SHTN1: variants seen among roughly 807,000 people sequenced by gnomAD.
The protein encoded by SHTN1 is shootin 1.
SHTN1 carries 42 observed loss-of-function variants against 83.1 expected under a neutral mutation model. The observed-to-expected ratio is 0.51, with a 90% CI of 0.39 to 0.65. The LOEUF is 0.65. SHTN1 is among the 30% of genes least tolerant of loss of function. The pLI is 0.00. For synonymous variants in SHTN1, 224 were observed against 247.7 expected (o/e 0.90, Z 0.90); for missense variants, 622 against 737.8 (o/e 0.84, Z 1.82).
chr10:116,885,857 T>C lies in SHTN1; in HGVS notation c.*487A>G, dbSNP rs916857471. The C allele has an allele frequency of 1.3e-5, 2 of 156,594 alleles. No individual in the cohort carries two copies. The highest frequency in any genetic ancestry group is 2.8e-5 in the Non-Finnish European group (2 of 70,862). 9.7% of individuals were successfully genotyped at this position (156,594 alleles called of 1,614,324 possible). On this transcript the variant is annotated 3_prime_UTR_variant, in exon 17 of 17. Transcript: ENST00000355371. Reference sequence around the variant, plus strand: ...AGTCTACTGTAGAAAATAACTTGTATGCCACAGTACCCAACAATTTCCATG... The same window carrying C: ...AGTCTACTGTAGAAAATAACTTGTACGCCACAGTACCCAACAATTTCCATG...
chr10:116,927,736 C>A, intron 11 of SHTN1, 56 bp downstream of exon 11: 1 of 1,443,832 alleles, frequency 6.9e-7, no homozygotes, highest in Admixed American at 2.6e-5. Flanking sequence ...CCTCTTATGG[C>A]ACAATCTGAT....
At chr10:117,100,759 T>C (rs549684746) in intron 1 of SHTN1, among the ~76,000 whole-genome samples, 1 of 152,338 alleles carries the variant, frequency 6.6e-6, no homozygotes, top group East Asian at 1.9e-4. Flanking sequence ...GAAGAAATGA[T>C]ACCTGAGCTG....
At chr10:117,014,917 A>G (rs1852160576) in intron 2 of SHTN1, among the ~76,000 whole-genome samples, 1 of 152,248 alleles carries the variant, frequency 6.6e-6, no homozygotes, top group Non-Finnish European at 1.5e-5. Flanking sequence ...TAGGCATCAT[A>G]AAGGCTACAG....
intron 1 of SHTN1, among the ~76,000 whole-genome samples, chr10:117,079,244 A>T (rs1434838246): frequency 1.6e-5 from 2 of 127,050 alleles, no homozygotes; most frequent in Non-Finnish European, 3.2e-5. Context: ...TGTCCATGTG[A>T]TCTCATTGTT....
intron 1 of SHTN1, among the ~76,000 whole-genome samples, chr10:117,077,322 T>C (rs893246559): frequency 1.3e-5 from 2 of 152,222 alleles, no homozygotes; most frequent in African/African-American, 4.8e-5. Flanking sequence ...ATGTGACTTC[T>C]GACCTTGATA....
Position 116,944,970 on chromosome 10 carries a change from T to C in SHTN1, c.665A>G (p.Glu222Gly). The C allele has an allele frequency of 6.2e-7, 1 of 1,612,488 alleles. No homozygotes were observed. Among genetic ancestry groups the C allele is most frequent in the Non-Finnish European group, 8.5e-7 (1 of 1,178,710 alleles). Residue 222 changes from glutamate to glycine, a missense_variant, in exon 8 of 17, where the codon GAG (glutamate) becomes GGG (glycine). Physicochemically the swap from Glu to Gly is moderately conservative, Grantham distance 98 (BLOSUM62 -2). This residue lies in a region of SHTN1 where 383 missense variants were observed against 455.8 expected (regional missense o/e 0.84). Coordinates refer to ENST00000355371, the MANE Select transcript of SHTN1 (RefSeq NM_001127211.3). ...EEYEEMQVNL[E>G]LEKDLRKKAE... ...TTTCTTTCGAAGGTCCTTCTCCAGC[T>C]CCAGGTTTACTTGCATCTCCTCATA...
intron 15 of SHTN1, among the ~76,000 whole-genome samples, chr10:116,904,836 G>A (rs879336711): frequency 2.6e-5 from 4 of 152,086 alleles, no homozygotes; most frequent in Non-Finnish European, 5.9e-5. Flanking sequence ...CTGGAGAAAC[G>A]AAAAAGCCAG....
intron 1 of SHTN1, among the ~76,000 whole-genome samples, chr10:117,110,600 A>G (rs1300925397): frequency 6.6e-6 from 1 of 151,804 alleles, no homozygotes; most frequent in Non-Finnish European, 1.5e-5. Flanking sequence ...AGCTCAGGCA[A>G]TCCACCCACC....
chr10:117,100,910 G>C (rs914938818), intron 1 of SHTN1, among the ~76,000 whole-genome samples: 2 of 152,138 alleles, frequency 1.3e-5, no homozygotes, highest in African/African-American at 4.8e-5. Flanking sequence ...GACTAACATA[G>C]ATGAAGGTAA....
chr10:117,113,797 G>C (rs746174681), intron 1 of SHTN1, among the ~76,000 whole-genome samples: 2 of 152,180 alleles, frequency 1.3e-5, no homozygotes, highest in African/African-American at 2.4e-5. Flanking sequence ...TGTAATCCCA[G>C]CACTCTGGGA....
chr10:117,061,798 T>C (rs1352774911), intron 1 of SHTN1, among the ~76,000 whole-genome samples: 1 of 152,136 alleles, frequency 6.6e-6, no homozygotes, highest in Non-Finnish European at 1.5e-5. Context: ...GAAAAGTCAC[T>C]CCACTTAGGC....
At chr10:116,895,582 G>C (rs1000877891) in intron 16 of SHTN1, among the ~76,000 whole-genome samples, 5 of 152,318 alleles carry the variant, frequency 3.3e-5, no homozygotes, top group African/African-American at 1.2e-4. Flanking sequence ...CTATGAGTAT[G>C]CAGGGTCTAA....
intron 3 of SHTN1, among the ~76,000 whole-genome samples, chr10:116,968,124 G>A (rs1397588228): frequency 6.6e-6 from 1 of 152,202 alleles, no homozygotes; most frequent in African/African-American, 2.4e-5. Context: ...GGAGGTTGCA[G>A]TAAGCCAAGA....
chr10:116,887,055 G>A (rs1428673173), intron 16 of SHTN1, among the ~76,000 whole-genome samples: 1 of 152,184 alleles, frequency 6.6e-6, no homozygotes, highest in Non-Finnish European at 1.5e-5. Flanking sequence ...ATGGACAGGT[G>A]AGAGGCATGC....
At chr10:117,059,175 AC>A (rs935568674) in intron 1 of SHTN1, among the ~76,000 whole-genome samples, 34 of 152,204 alleles carry the variant, frequency 2.2e-4, no homozygotes, top group African/African-American at 7.9e-4. Context: ...GAAAAATACT[AC>A]CCCCCACTGC....
chr10:117,118,514 G>A (rs1412649279), intron 1 of SHTN1, among the ~76,000 whole-genome samples: 3 of 151,902 alleles, frequency 2.0e-5, no homozygotes, highest in Non-Finnish European at 4.4e-5. Context: ...ACTAAAAATA[G>A]AACTACCATA....
chr10:117,124,211 C>CAAA (rs779250492), intron 1 of SHTN1, among the ~76,000 whole-genome samples: 2 of 65,898 alleles, frequency 3.0e-5, no homozygotes, highest in Non-Finnish European at 6.2e-5. Flanking sequence ...GATTATGTCT[C>CAAA]AAAAAAAAAA....
chr10:117,006,123 C>T (rs1852002335), upstream of SHTN1, among the ~76,000 whole-genome samples: 1 of 152,118 alleles, frequency 6.6e-6, no homozygotes, highest in South Asian at 2.1e-4. Context: ...CATCTTTGAA[C>T]TTCATCTGAA....
chr10:116,995,471 TTTC>T (rs1454050113), intron 1 of SHTN1, among the ~76,000 whole-genome samples: 8 of 152,182 alleles, frequency 5.3e-5, no homozygotes, highest in Admixed American at 4.6e-4. Context: ...AGGAAAACAT[TTTC>T]TTCTTTTGCG....
Sources: allele counts gnomAD v4.1 joint callset (sites outside exome capture counted in the v4.1 genomes callset), GRCh38; gene constraint gnomAD v4.1.1; regional missense constraint gnomAD v4.1.1; transcripts MANE v1.5; gene names NCBI Gene and HGNC (gene_info 2026-07-23, HGNC 2026-07-21).